LTBP4: variants seen among roughly 807,000 people sequenced by gnomAD.
LTBP4 encodes latent transforming growth factor beta binding protein 4.
A neutral mutation model predicts 180.2 loss-of-function variants in LTBP4; 93 were observed. The observed-to-expected ratio is 0.52, with a 90% confidence interval of 0.44 to 0.61. LTBP4 has a LOEUF of 0.61. LTBP4 is among the 20% of genes least tolerant of loss of function. The pLI is 0.00. For missense variants in LTBP4, 2,116 were observed against 2,256.5 expected (o/e 0.94, Z 1.26); for synonymous variants, 947 against 934.5 (o/e 1.01, Z -0.24).
At chr19:40,616,530 C>T (rs1045178184) in intron 19 of LTBP4, among the ~76,000 whole-genome samples, 1 of 151,874 alleles carries the variant, frequency 6.6e-6, no homozygotes, top group South Asian at 2.1e-4. Context: ...GTCAGGAGTT[C>T]GAGACCATTC....
Position 40,613,761 on chromosome 19 carries a change from G to A in LTBP4, c.2558-155G>A. ...ATTGTAAAGAAGCTGTTCTAAACCCGTCGGGGGGCGGTGTTTGCAGGGAGG... is the reference window on the plus strand; with the variant it reads ...ATTGTAAAGAAGCTGTTCTAAACCCATCGGGGGGCGGTGTTTGCAGGGAGG... On this transcript the variant is annotated intron_variant, in intron 17 of 29. Coordinates refer to ENST00000396819, the MANE Select transcript of LTBP4 (RefSeq NM_001042545.2). The surrounding 1 kb of genome is among the most constrained non-coding windows in gnomAD (Gnocchi z 5.0). 2 of 1,309,164 alleles carry A rather than the reference G, an allele frequency of 1.5e-6. No homozygotes were observed. Among genetic ancestry groups the A allele is most frequent in the Non-Finnish European group, 1.1e-6 (1 of 940,344 alleles). The allele number at this position is 1,309,164 out of a possible 1,614,324, so 81.1% of individuals were successfully genotyped here.
At chr19:40,617,643 CAAAAAAAAAAAA>C (rs56053315) in intron 21 of LTBP4, among the ~76,000 whole-genome samples, 65,621 of 119,396 alleles carry the variant, frequency 0.55, 15,327 homozygotes, top group African/African-American at 0.64. Context: ...GACCCTGTCT[CAAAAAAAAAAAA>C]AAAAAAAAAA....
chr19:40,597,099 C>A (rs2081394514), upstream of LTBP4: 8 of 859,416 alleles, frequency 9.3e-6, no homozygotes, highest in African/African-American at 1.8e-5. Context: ...GCGGGAAGTT[C>A]GCAGCCCGTG....
Position 40,613,089 on chromosome 19 carries a change from C to T in LTBP4, c.2324C>T (p.Ala775Val), listed in dbSNP as rs776497323. 2.5e-6 allele frequency: 4 copies of T among 1,611,474 alleles called. No individual in the cohort carries two copies. The Admixed American group carries it at 5.0e-5, about 20-fold the overall frequency. The change falls in exon 16 of 30, where the codon GCC (alanine) becomes GTC (valine). Residue 775 changes from alanine to valine, a missense_variant. Physicochemically the swap from Ala to Val is moderately conservative, Grantham distance 64 (BLOSUM62 0). Coordinates refer to ENST00000396819, the MANE Select transcript of LTBP4 (RefSeq NM_001042545.2). The surrounding 1 kb of genome is among the most constrained non-coding windows in gnomAD (Gnocchi z 5.0). ...GATGTGGACGAATGCAGTTCGGGTG[C>T]CCCTCCCTGTGGTCCCCACGGCCAC... ...CTDVDECSSG[A>V]PPCGPHGHCT...
At chr19:40,598,096 A>G (rs1472082052), upstream of LTBP4, among the ~76,000 whole-genome samples, 1 of 152,086 alleles carries the variant, frequency 6.6e-6, no homozygotes, top group East Asian at 1.9e-4. Flanking sequence ...GACTGAAGGA[A>G]GCCGTCTGCC....
intron 11 of LTBP4, 44 bp from the exon 12 acceptor site, chr19:40,610,488 G>A (rs754579593): frequency 2.6e-6 from 4 of 1,559,982 alleles, no homozygotes; most frequent in African/African-American, 1.3e-5. Context: ...CGCTTCTCCC[G>A]GGGCTGTCTG....
chr19:40,623,060 G>A (rs1440282449), intron 24 of LTBP4, 39 bp downstream of exon 24: 1 of 1,516,324 alleles, frequency 6.6e-7, no homozygotes, highest in East Asian at 2.3e-5. Flanking sequence ...ACTCAGCTCT[G>A]AGGCCCAGCT....
chr19:40,625,676 C>T (rs1045063111), intron 26 of LTBP4, among the ~76,000 whole-genome samples, 181 bp from the exon 27 acceptor site: 1 of 152,170 alleles, frequency 6.6e-6, no homozygotes, highest in Admixed American at 6.5e-5. Context: ...TGACAGTCTC[C>T]TTGTTCCTCA....
intron 5 of LTBP4, 34 bp downstream of exon 5, chr19:40,606,341 C>CT: frequency 6.2e-7 from 1 of 1,600,860 alleles, no homozygotes; most frequent in Non-Finnish European, 8.5e-7. Context: ...GGGCTTGGTT[C>CT]TGGGGGCGGG....
Position 40,617,092 on chromosome 19 carries a change from G to T in LTBP4, c.2945-8G>T. ...TCCAGAAATGGCCTGACTGTCTGGT[G>T]GTTGCAGATGTGGACGAATGCCGGA... On this transcript the variant is annotated splice_polypyrimidine_tract_variant and splice_region_variant and intron_variant, in intron 20 of 29. Coordinates refer to ENST00000396819, the MANE Select transcript of LTBP4 (RefSeq NM_001042545.2). The T allele has an allele frequency of 1.2e-6, 2 of 1,614,040 alleles. No homozygotes were observed. The highest frequency in any genetic ancestry group is 1.7e-6 in the Non-Finnish European group (2 of 1,179,876).
chr19:40,605,141 C>A lies in LTBP4; in HGVS notation c.357C>A (p.Gly119=). Residue 119 remains glycine, a synonymous_variant, in exon 2 of 30, where the codon GGC becomes GGA. Transcript: ENST00000396819. This position sits in a 1 kb window ranked among gnomAD's most constrained non-coding sequence, Gnocchi z 5.5. ...AGKFCQLHSS[G]ARPPAPAVPG... is the part of the protein sequence containing the mutation. Reference sequence around the variant, plus strand: ...AGTTCTGCCAGTTGCACTCCTCGGGCGCCCGGCCCCCGGCCCCGGCTGTAC... The same window carrying A: ...AGTTCTGCCAGTTGCACTCCTCGGGAGCCCGGCCCCCGGCCCCGGCTGTAC... 6.2e-7 allele frequency: 1 copy of A among 1,613,248 alleles called. No individual in the cohort carries two copies. Among genetic ancestry groups the A allele is most frequent in the South Asian group, 1.1e-5 (1 of 90,974 alleles).
At chr19:40,600,057 C>A, upstream of LTBP4, 1 of 1,254,010 alleles carries the variant, frequency 8.0e-7, no homozygotes, top group Non-Finnish European at 1.0e-6. This position sits in a 1 kb window ranked among gnomAD's most constrained non-coding sequence, Gnocchi z 4.4. Context: ...TTTCCGTCCT[C>A]TCCCACCCAG....
upstream of LTBP4, among the ~76,000 whole-genome samples, chr19:40,596,607 A>G (rs996338663): frequency 2.0e-5 from 3 of 152,156 alleles, no homozygotes; most frequent in Admixed American, 6.5e-5. Context: ...GTGAGCCTGG[A>G]ATCCCTGAAG....
rs1195079420 is a variant in LTBP4 at position 40,609,905 on chromosome 19, C to T, written c.1684+34C>T. ...TTTGCCCCACCCGGCTCCAGGCCCA[C>T]CCCAGGGTCTCGCTCCTGCTCTCAC... On this transcript the variant is annotated intron_variant, in intron 11 of 29. Transcript: ENST00000396819. This position sits in a 1 kb window ranked among gnomAD's most constrained non-coding sequence, Gnocchi z 4.9. 6.7e-7 allele frequency: 1 copy of T among 1,496,286 alleles called. No homozygotes were observed. Among genetic ancestry groups the T allele is most frequent in the South Asian group, 1.3e-5 (1 of 75,992 alleles). 92.7% of individuals were successfully genotyped at this position (1,496,286 alleles called of 1,614,324 possible). A position where few individuals can be genotyped will look rare whatever the true frequency, so the allele number is the denominator to read the frequency against.
In LTBP4 at chr19:40,613,316, T is replaced by C; in HGVS notation, c.2432-88T>C. The C allele has an allele frequency of 6.4e-7, 1 of 1,550,684 alleles. No individual in the cohort carries two copies. Among genetic ancestry groups the C allele is most frequent in the Non-Finnish European group, 8.7e-7 (1 of 1,146,518 alleles). On this transcript the variant is annotated intron_variant, in intron 16 of 29. Coordinates refer to ENST00000396819, the MANE Select transcript of LTBP4 (RefSeq NM_001042545.2). The surrounding 1 kb of genome is among the most constrained non-coding windows in gnomAD (Gnocchi z 5.0). ...GTGGGAGGAGCTTAGAAACCTGGCA[T>C]TGGTGGGGGCGGGGTTACTGCGATG...
Position 40,611,925 on chromosome 19 carries a change from G to C in LTBP4, c.2120G>C (p.Ser707Thr). The change falls in exon 14 of 30, where the codon AGC becomes ACC. Residue 707 changes from serine (S) to threonine (T), a missense_variant. Ser to Thr is a moderately conservative substitution (Grantham distance 58, BLOSUM62 1). Around this residue, in one of 5 missense-constraint regions of LTBP4, gnomAD observed 877 missense variants for 873.6 expected, o/e 1.00. Coordinates refer to ENST00000396819, the MANE Select transcript of LTBP4 (RefSeq NM_001042545.2). This position sits in a 1 kb window ranked among gnomAD's most constrained non-coding sequence, Gnocchi z 4.4. The part of the protein sequence containing the change: ...TYGRCENTEG[S>T]FQCVCPMGFQ... ...GGCCGGTGTGAGAACACAGAAGGCA[G>C]CTTCCAGTGTGTCTGCCCCATGGGC... 6.2e-7 allele frequency: 1 copy of C among 1,611,096 alleles called. No homozygotes were observed. The highest frequency in any genetic ancestry group is 8.5e-7 in the Non-Finnish European group (1 of 1,178,858).
At chr19:40,628,663 G>A (rs1184071540) in intron 29 of LTBP4, among the ~76,000 whole-genome samples, 1 of 152,092 alleles carries the variant, frequency 6.6e-6, no homozygotes, top group East Asian at 1.9e-4. Flanking sequence ...ATAGAATTGC[G>A]AATATTATTA....
intron 19 of LTBP4, 84 bp from the exon 20 acceptor site, chr19:40,616,805 T>C: frequency 6.7e-7 from 1 of 1,492,396 alleles, no homozygotes; most frequent in Non-Finnish European, 9.2e-7. Flanking sequence ...GCTAAAGACT[T>C]CTTAGTCTTG....
At chr19:40,624,370 G>A (rs981812902) in intron 26 of LTBP4, among the ~76,000 whole-genome samples, 1 of 152,206 alleles carries the variant, frequency 6.6e-6, no homozygotes. Flanking sequence ...CTTATAGGGT[G>A]GCTGTGAGGA....
Sources: allele counts gnomAD v4.1 joint callset (sites outside exome capture counted in the v4.1 genomes callset), GRCh38; gene constraint gnomAD v4.1.1; regional missense constraint gnomAD v4.1.1; non-coding constraint Gnocchi (gnomAD v3.1); transcripts MANE v1.5; gene names NCBI Gene and HGNC (gene_info 2026-07-23, HGNC 2026-07-21).